SLC35F1: variants seen among roughly 807,000 people sequenced by gnomAD.
SLC35F1 encodes the protein solute carrier family 35 member F1.
In SLC35F1, 14 loss-of-function variants were observed where a neutral mutation model predicts 48.7. The observed-to-expected ratio is 0.29, with a 90% CI of 0.19 to 0.45. The LOEUF (loss-of-function observed/expected upper bound fraction) is 0.45. Ranked by LOEUF, SLC35F1 falls within the 20% of genes least tolerant of loss-of-function variation. The pLI, the probability that SLC35F1 is intolerant of heterozygous loss-of-function variation, is 1.00. For synonymous variants in SLC35F1, 190 were observed against 202.2 expected (o/e 0.94, Z 0.51); for missense variants, 404 against 500.0 (o/e 0.81, Z 1.83).
chr6:117,916,549 A>G, intron 1 of SLC35F1, among the ~76,000 whole-genome samples: 1 of 152,220 alleles, frequency 6.6e-6, no homozygotes, highest in East Asian at 1.9e-4. Flanking sequence ...GCAGTAGAGT[A>G]AGGCTGACAA....
At chr6:118,275,430 C>T (rs1486578499) in intron 4 of SLC35F1, 29 bp from the exon 5 acceptor site, 5 of 1,595,116 alleles carry the variant, frequency 3.1e-6, no homozygotes, top group South Asian at 2.3e-5. Context: ...ATGATGCTCC[C>T]TCTGTTTGTT....
intron 3 of SLC35F1, among the ~76,000 whole-genome samples, chr6:118,263,215 C>A (rs568797464): frequency 2.4e-4 from 37 of 152,266 alleles, no homozygotes; most frequent in African/African-American, 8.7e-4. Flanking sequence ...CGCCATCATG[C>A]CTGGCTAATT....
intron 2 of SLC35F1, among the ~76,000 whole-genome samples, chr6:118,210,393 T>A (rs532842116): frequency 6.6e-6 from 1 of 152,314 alleles, no homozygotes; most frequent in African/African-American, 2.4e-5. Context: ...GGGACTCTTG[T>A]GAGGTCAAGG....
At chr6:117,958,890 T>C (rs1322087903) in intron 1 of SLC35F1, among the ~76,000 whole-genome samples, 1 of 152,240 alleles carries the variant, frequency 6.6e-6, no homozygotes, top group Admixed American at 6.5e-5. Context: ...TGAAAGACTA[T>C]AGTAAAATAC....
chr6:118,235,784 A>G (rs943369312), intron 3 of SLC35F1, 148 bp downstream of exon 3: 4 of 673,984 alleles, frequency 5.9e-6, no homozygotes, highest in Non-Finnish European at 8.6e-6. Context: ...TCTGTATACT[A>G]TAAGTCTATG....
chr6:118,254,675 A>G (rs1188273532), intron 3 of SLC35F1, among the ~76,000 whole-genome samples: 1 of 152,188 alleles, frequency 6.6e-6, no homozygotes, highest in Non-Finnish European at 1.5e-5. Flanking sequence ...TTATTTCTCC[A>G]TACTATTATA....
intron 1 of SLC35F1, among the ~76,000 whole-genome samples, chr6:118,079,551 TTATATC>T (rs1238482814): frequency 9.2e-5 from 14 of 152,154 alleles, no homozygotes; most frequent in Non-Finnish European, 2.1e-4. Context: ...GGGGCTCACT[TTATATC>T]TATCAACTTT....
At chr6:118,311,499 GAC>G (rs1776371150) in intron 7 of SLC35F1, among the ~76,000 whole-genome samples, 4 of 152,148 alleles carry the variant, frequency 2.6e-5, no homozygotes, top group Admixed American at 2.6e-4. Context: ...ATTGAAAAAA[GAC>G]AATTTAGGCC....
intron 6 of SLC35F1, among the ~76,000 whole-genome samples, chr6:118,279,477 T>A (rs1222863381): frequency 6.6e-6 from 1 of 152,158 alleles, no homozygotes; most frequent in Non-Finnish European, 1.5e-5. Flanking sequence ...AGGGGATAAA[T>A]GTTTACTAAG....
At position 117,907,701 on chromosome 6, in the gene SLC35F1, G is replaced by C. The variant is rs1396104249; in HGVS notation, c.-26G>C. 1.4e-6 allele frequency: 2 copies of C among 1,425,764 alleles called. No homozygotes were observed. Among genetic ancestry groups the C allele is most frequent in the Non-Finnish European group, 1.9e-6 (2 of 1,060,212 alleles). 88.3% of individuals were successfully genotyped at this position (1,425,764 alleles called of 1,614,324 possible). A position where few individuals can be genotyped will look rare whatever the true frequency, so the allele number is the denominator to read the frequency against. ...CGATGCACCCGGCTGCGTTCTGATCGCCGCCGCGCCTCAGCCTCTGCCGCG... is the reference window on the plus strand; with the variant it reads ...CGATGCACCCGGCTGCGTTCTGATCCCCGCCGCGCCTCAGCCTCTGCCGCG... On this transcript the variant is annotated 5_prime_UTR_variant, in exon 1 of 8. Coordinates refer to ENST00000360388, the MANE Select transcript of SLC35F1 (RefSeq NM_001029858.4).
At chr6:117,956,397 A>G (rs886756265) in intron 1 of SLC35F1, among the ~76,000 whole-genome samples, 1 of 152,222 alleles carries the variant, frequency 6.6e-6, no homozygotes, top group Non-Finnish European at 1.5e-5. Flanking sequence ...AATGCAGAGC[A>G]ATGGTGCTGT....
At chr6:117,995,576 A>G (rs1292058577) in intron 1 of SLC35F1, among the ~76,000 whole-genome samples, 3 of 152,194 alleles carry the variant, frequency 2.0e-5, no homozygotes, top group Admixed American at 6.5e-5. Context: ...CCCCGTCTCT[A>G]CTAAAAATAC....
intron 1 of SLC35F1, among the ~76,000 whole-genome samples, chr6:117,944,584 CAT>C (rs1187618826): frequency 2.5e-3 from 367 of 147,896 alleles, no homozygotes; most frequent in African/African-American, 8.9e-3. Context: ...AAAACACACA[CAT>C]ACACATACAC....
intron 1 of SLC35F1, among the ~76,000 whole-genome samples, chr6:118,073,642 A>G (rs1459957804): frequency 6.6e-6 from 1 of 152,232 alleles, no homozygotes; most frequent in Non-Finnish European, 1.5e-5. Context: ...CCCAAAATCA[A>G]AATGAGATTT....
chr6:118,059,572 A>G (rs1346042651), intron 1 of SLC35F1, among the ~76,000 whole-genome samples: 1 of 152,042 alleles, frequency 6.6e-6, no homozygotes, highest in Non-Finnish European at 1.5e-5. Context: ...TATCTTGCCC[A>G]CTCTACATGT....
At chr6:118,288,833 T>A (rs527282197) in intron 7 of SLC35F1, among the ~76,000 whole-genome samples, 1 of 152,042 alleles carries the variant, frequency 6.6e-6, no homozygotes, top group Non-Finnish European at 1.5e-5. Context: ...TGGTTTACAC[T>A]CTTCACCTAG....
At chr6:118,181,725 A>G (rs549725463) in intron 2 of SLC35F1, among the ~76,000 whole-genome samples, 3 of 152,276 alleles carry the variant, frequency 2.0e-5, no homozygotes, top group African/African-American at 7.2e-5. Flanking sequence ...GGAAATACCA[A>G]AAAAAGATTG....
intron 2 of SLC35F1, among the ~76,000 whole-genome samples, chr6:118,199,283 G>A (rs1280408867): frequency 6.6e-6 from 1 of 152,134 alleles, no homozygotes; most frequent in African/African-American, 2.4e-5. Flanking sequence ...TAAAAGCTGG[G>A]TCAGTCAAGG....
chr6:118,263,571 G>A (rs1010641785), intron 3 of SLC35F1, among the ~76,000 whole-genome samples: 1 of 151,928 alleles, frequency 6.6e-6, no homozygotes, highest in Non-Finnish European at 1.5e-5. Flanking sequence ...AATAATATTT[G>A]TTTATTTTTT....
Sources: allele counts gnomAD v4.1 joint callset (sites outside exome capture counted in the v4.1 genomes callset), GRCh38; gene constraint gnomAD v4.1.1; transcripts MANE v1.5; gene names NCBI Gene and HGNC (gene_info 2026-07-23, HGNC 2026-07-21).